Variants in ELMO1 observed in about 807,000 individuals in gnomAD.
The protein encoded by ELMO1 is engulfment and cell motility protein 1.
Under a neutral mutation model 98.9 loss-of-function variants are expected in ELMO1, and 26 were observed. That is an observed-to-expected ratio of 0.26 (90% confidence interval 0.19 to 0.36). The LOEUF (loss-of-function observed/expected upper bound fraction) is 0.36. ELMO1 is among the 10% of genes least tolerant of loss of function. The probability of loss-of-function intolerance (pLI) is 1.00; values close to 1 mark genes in which losing one functional copy is unlikely to be tolerated. For synonymous variants in ELMO1, 346 were observed against 346.0 expected (o/e 1.00, Z 0.00); for missense variants, 627 against 935.2 (o/e 0.67, Z 4.30).
At chr7:36,883,118 C>G (rs1804625696) in intron 18 of ELMO1, among the ~76,000 whole-genome samples, 1 of 152,180 alleles carries the variant, frequency 6.6e-6, no homozygotes, top group Admixed American at 6.5e-5. Flanking sequence ...GTAAGATATA[C>G]CAGCCTTGTT....
At chr7:37,378,535 A>G (rs1802453336) in intron 1 of ELMO1, among the ~76,000 whole-genome samples, 1 of 152,166 alleles carries the variant, frequency 6.6e-6, no homozygotes, top group South Asian at 2.1e-4. Context: ...CCCTCTAGAA[A>G]AAGAGGGAGA....
rs869157346 is a variant in ELMO1, at chr7:37,188,487, TAAAAA to T, written c.1086+22894_1086+22898del. Reference sequence around the variant, plus strand: ...ACACACACAGGCCACTGGAGAAAGGTAAAAAAAAAAAAAAAATAATAATAATAATA... The same window carrying T: ...ACACACACAGGCCACTGGAGAAAGGTAAAAAAAAAAATAATAATAATAATA... On this transcript the variant is annotated intron_variant, in intron 13 of 21. Coordinates refer to ENST00000310758, the MANE Select transcript of ELMO1 (RefSeq NM_014800.11). Among the ~76,000 whole-genome samples the T allele has an allele frequency of 1.6e-3, 51 of 32,048 alleles. 3 individuals carry two copies. The East Asian group carries it at 0.037, about 23-fold the overall frequency. 21.0% of individuals were successfully genotyped at this position (32,048 alleles called of 152,430 possible).
In ELMO1 at chr7:36,919,428, T is replaced by A. The variant is rs767606822; in HGVS notation, c.1438-24411A>T. On this transcript the variant is annotated intron_variant, in intron 16 of 21. Transcript: ENST00000310758. ...GAGGCTCAGAATGGCTCAGGAGAAG[T>A]AGCATAGTAAACTAGGAAGAATGTG... The A allele has an allele frequency of 3.8e-5, 20 of 527,020 alleles. 1 individual carries two copies. Among genetic ancestry groups the A allele is most frequent in the Middle Eastern group, 6.4e-4 (2 of 3,146 alleles). 32.6% of individuals were successfully genotyped at this position (527,020 alleles called of 1,614,324 possible).
chr7:37,142,245 T>C (rs1352380007), intron 13 of ELMO1, among the ~76,000 whole-genome samples: 1 of 152,250 alleles, frequency 6.6e-6, no homozygotes, highest in Non-Finnish European at 1.5e-5. Flanking sequence ...ATGTTTTTAG[T>C]TATTTAGTAA....
intron 14 of ELMO1, among the ~76,000 whole-genome samples, chr7:37,130,391 G>T (rs1786833152): frequency 6.6e-6 from 1 of 152,172 alleles, no homozygotes; most frequent in African/African-American, 2.4e-5. Context: ...AGTCCTGGGG[G>T]CCTGTGCATT....
intron 13 of ELMO1, among the ~76,000 whole-genome samples, chr7:37,151,811 C>T (rs772117465): frequency 1.6e-4 from 24 of 152,162 alleles, no homozygotes; most frequent in African/African-American, 4.6e-4. Context: ...TGACACCCCA[C>T]GATAAAGCTA....
intron 2 of ELMO1, among the ~76,000 whole-genome samples, chr7:37,319,610 A>C (rs1191016846): frequency 6.6e-6 from 1 of 152,184 alleles, no homozygotes; most frequent in African/African-American, 2.4e-5. Context: ...GAATCAACCC[A>C]AAATCGTACC....
chr7:37,175,363 G>A lies in ELMO1; in HGVS notation c.1086+36023C>T, dbSNP rs80287087. On this transcript the variant is annotated intron_variant, in intron 13 of 21. Coordinates refer to ENST00000310758, the MANE Select transcript of ELMO1 (RefSeq NM_014800.11). ...CAAATTTTCAATGTCCAGTTGGAACGGCATGCCAATAGTAACACATCACAG... is the reference window on the plus strand; with the variant it reads ...CAAATTTTCAATGTCCAGTTGGAACAGCATGCCAATAGTAACACATCACAG... 3.9e-3 allele frequency among the ~76,000 whole-genome samples: 600 copies of A among 152,244 alleles called. 7 individuals carry two copies. Among genetic ancestry groups the A allele is most frequent in the African/African-American group, 0.014 (576 of 41,542 alleles).
At chr7:37,210,369 C>G (rs957634646) in intron 13 of ELMO1, among the ~76,000 whole-genome samples, 4 of 151,904 alleles carry the variant, frequency 2.6e-5, no homozygotes, top group Non-Finnish European at 4.4e-5. Context: ...TAATGAAACA[C>G]AGTAATATGA....
chr7:37,369,127 A>G (rs1278304205), intron 1 of ELMO1, among the ~76,000 whole-genome samples: 2 of 152,204 alleles, frequency 1.3e-5, no homozygotes, highest in South Asian at 4.1e-4. Context: ...AAAGATGTCA[A>G]CAAGGTTATG....
chr7:37,180,337 C>T (rs942826320), intron 13 of ELMO1, among the ~76,000 whole-genome samples: 1 of 152,130 alleles, frequency 6.6e-6, no homozygotes, highest in African/African-American at 2.4e-5. Context: ...AATCAGGACC[C>T]ATTTTCCCTT....
At chr7:37,293,249 T>C (rs535934103) in intron 4 of ELMO1, among the ~76,000 whole-genome samples, 6 of 134,010 alleles carry the variant, frequency 4.5e-5, no homozygotes, top group East Asian at 4.2e-4. Flanking sequence ...TGGGCCATGA[T>C]GACAATGGCG....
intron 16 of ELMO1, among the ~76,000 whole-genome samples, chr7:36,987,075 C>T (rs931216696): frequency 7.9e-5 from 12 of 152,198 alleles, no homozygotes; most frequent in Non-Finnish European, 1.3e-4. Context: ...GAAGCGATTA[C>T]ACTGGCGGCT....
intron 20 of ELMO1, among the ~76,000 whole-genome samples, chr7:36,864,822 GT>G (rs1383140796): frequency 1.3e-5 from 2 of 152,220 alleles, no homozygotes. Context: ...ATTTAGTGCA[GT>G]GAAAAATTAC....
At chr7:37,191,913 T>TCACACA (rs36026384) in intron 13 of ELMO1, among the ~76,000 whole-genome samples, 1 of 151,272 alleles carries the variant, frequency 6.6e-6, no homozygotes, top group South Asian at 2.1e-4. Flanking sequence ...GAAGACTCCA[T>TCACACA]CACACACACA....
chr7:37,265,392 T>TA (rs1457084928), intron 5 of ELMO1, among the ~76,000 whole-genome samples: 3 of 151,958 alleles, frequency 2.0e-5, no homozygotes, highest in Non-Finnish European at 2.9e-5. Context: ...CTCCCATCTT[T>TA]AAAAAAAATA....
At chr7:37,444,242 A>G (rs1229169535) in intron 1 of ELMO1, among the ~76,000 whole-genome samples, 2 of 152,248 alleles carry the variant, frequency 1.3e-5, no homozygotes, top group Non-Finnish European at 2.9e-5. Flanking sequence ...CTGTCTTTGT[A>G]ATTAGAATCA....
intron 1 of ELMO1, among the ~76,000 whole-genome samples, chr7:37,406,396 T>G (rs147059817): frequency 6.6e-6 from 1 of 151,850 alleles, no homozygotes; most frequent in East Asian, 1.9e-4. Flanking sequence ...AAAAACATAT[T>G]CTTAGGAAAG....
At chr7:36,963,563 G>A (rs376724924) in intron 16 of ELMO1, among the ~76,000 whole-genome samples, 4 of 152,174 alleles carry the variant, frequency 2.6e-5, no homozygotes, top group East Asian at 3.9e-4. Flanking sequence ...GTTTTTCTTC[G>A]GGTGGATGGA....
Sources: allele counts gnomAD v4.1 joint callset (sites outside exome capture counted in the v4.1 genomes callset), GRCh38; gene constraint gnomAD v4.1.1; transcripts MANE v1.5; gene names NCBI Gene and HGNC (gene_info 2026-07-23, HGNC 2026-07-21).